The following TRMT11 variants were observed in gnomAD, a reference collection of about 807,000 sequenced individuals.
TRMT11 encodes tRNA methyltransferase 11.
Under a neutral mutation model 62.8 loss-of-function variants are expected in TRMT11, and 53 were observed. The ratio of observed to expected loss-of-function variants is 0.84; its 90% confidence interval spans 0.68 to 1.06. The LOEUF (loss-of-function observed/expected upper bound fraction) is 1.06, where lower values mean the gene tolerates loss of function less well. Ranked by LOEUF, TRMT11 falls within the 50% of genes least tolerant of loss-of-function variation. The pLI, the probability that TRMT11 is intolerant of heterozygous loss-of-function variation, is 0.00. For missense variants in TRMT11, 556 were observed against 553.4 expected, an observed-to-expected ratio of 1.00 and a Z score of -0.05; for synonymous variants, 188 against 190.3, an observed-to-expected ratio of 0.99 and a Z score of 0.10.
At chr6:126,235,213 G>A in the TRMT11 span, among the ~76,000 whole-genome samples, 8 of 152,262 alleles carry the variant, frequency 5.3e-5, no homozygotes, top group East Asian at 1.5e-3. Flanking sequence ...ACAGATGCTG[G>A]CAAGGTTATG....
At chr6:126,131,640 A>G (rs181051016) in intron 21 of TRMT11, among the ~76,000 whole-genome samples, 1 of 151,690 alleles carries the variant, frequency 6.6e-6, no homozygotes, top group African/African-American at 2.4e-5. Context: ...TGTCCCACCC[A>G]CCCCACTACC....
At chr6:126,212,834 T>G in the TRMT11 span, among the ~76,000 whole-genome samples, 1 of 152,060 alleles carries the variant, frequency 6.6e-6, no homozygotes. Flanking sequence ...TGTGGGGTAT[T>G]AAGAAATCTT....
chr6:126,215,535 TAGA>T, the TRMT11 span, among the ~76,000 whole-genome samples: 1 of 152,174 alleles, frequency 6.6e-6, no homozygotes, highest in South Asian at 2.1e-4. Flanking sequence ...TCTATTTGCA[TAGA>T]AGATCTTTTT....
At chr6:126,229,806 C>T in the TRMT11 span, among the ~76,000 whole-genome samples, 1 of 152,092 alleles carries the variant, frequency 6.6e-6, no homozygotes, top group Non-Finnish European at 1.5e-5. Context: ...AACCTTCAAT[C>T]CTTTCATGAT....
chr6:126,181,112 G>A (rs9491572), intron 1 of TRMT11, among the ~76,000 whole-genome samples: 12,857 of 152,078 alleles, frequency 0.085, 1,790 homozygotes, highest in African/African-American at 0.29. Flanking sequence ...CTAAAAACAT[G>A]AAACTCTTTT....
At chr6:126,243,840 A>G in the TRMT11 span, among the ~76,000 whole-genome samples, 1 of 152,184 alleles carries the variant, frequency 6.6e-6, no homozygotes, top group African/African-American at 2.4e-5. Flanking sequence ...GTAAATGACG[A>G]GTTCATGGGT....
chr6:126,189,683 T>G (rs1331442806), intron 1 of TRMT11, among the ~76,000 whole-genome samples: 1 of 152,094 alleles, frequency 6.6e-6, no homozygotes, highest in Admixed American at 6.6e-5. Flanking sequence ...GGGTTTTATT[T>G]TATTGTTGGT....
At chr6:126,137,444 T>C (rs143973270) in intron 21 of TRMT11, among the ~76,000 whole-genome samples, 192 of 151,690 alleles carry the variant, frequency 1.3e-3, no homozygotes, top group African/African-American at 4.4e-3. Flanking sequence ...AATCAGATAT[T>C]ATCTGATTGG....
the TRMT11 span, among the ~76,000 whole-genome samples, chr6:126,213,989 A>G: frequency 4.6e-5 from 7 of 152,012 alleles, no homozygotes; most frequent in African/African-American, 1.2e-4. Context: ...CTCAGCATCA[A>G]TTGAAATGTT....
At chr6:126,034,489 GA>G (rs1294748627) in intron 12 of TRMT11, among the ~76,000 whole-genome samples, 1 of 152,030 alleles carries the variant, frequency 6.6e-6, no homozygotes, top group Non-Finnish European at 1.5e-5. Flanking sequence ...TTTACCTACA[GA>G]AACTCTTCTG....
At chr6:126,216,854 C>G in the TRMT11 span, among the ~76,000 whole-genome samples, 1 of 152,138 alleles carries the variant, frequency 6.6e-6, no homozygotes, top group Non-Finnish European at 1.5e-5. Flanking sequence ...CTCTCTTCCC[C>G]TTTTCATAGT....
intron 17 of TRMT11, among the ~76,000 whole-genome samples, chr6:126,079,075 A>C (rs979301897): frequency 6.6e-6 from 1 of 152,110 alleles, no homozygotes; most frequent in Admixed American, 6.6e-5. Context: ...CATAAAGGTA[A>C]AATAAATCAT....
At chr6:126,115,659 G>A (rs1777578531) in intron 20 of TRMT11, among the ~76,000 whole-genome samples, 7 of 152,242 alleles carry the variant, frequency 4.6e-5, no homozygotes, top group Admixed American at 4.6e-4. Context: ...CTTATCACCT[G>A]TGTGGTTATT....
intron 1 of TRMT11, among the ~76,000 whole-genome samples, chr6:126,182,267 T>C (rs1778475479): frequency 6.6e-6 from 1 of 152,062 alleles, no homozygotes; most frequent in Non-Finnish European, 1.5e-5. Flanking sequence ...CTTTAGGAGG[T>C]ACCGATGGGG....
the TRMT11 span, among the ~76,000 whole-genome samples, chr6:126,269,690 A>G: frequency 6.6e-6 from 1 of 152,254 alleles, no homozygotes; most frequent in Admixed American, 6.5e-5. Flanking sequence ...CTTTACATAT[A>G]CACAGCAGAA....
intron 21 of TRMT11, among the ~76,000 whole-genome samples, chr6:126,154,936 G>A (rs1778100145): frequency 6.6e-6 from 1 of 152,124 alleles, no homozygotes; most frequent in African/African-American, 2.4e-5. Flanking sequence ...TAGGTTCTGA[G>A]CACCTTTGCA....
In TRMT11 at chr6:126,183,504, A is replaced by C. The variant is rs116850363; in HGVS notation, n.143+6169A>C. ...TGCAGCTATCTGAACAGTTGGAGTAAAGGATTTCAGATAGCCTCACTAATT... is the reference window on the plus strand; with the variant it reads ...TGCAGCTATCTGAACAGTTGGAGTACAGGATTTCAGATAGCCTCACTAATT... On this transcript the variant is annotated intron_variant and non_coding_transcript_variant, in intron 1 of 3. Coordinates refer to the TRMT11 transcript ENST00000444229. Among the ~76,000 whole-genome samples the C allele has an allele frequency of 5.3e-5, 8 of 152,280 alleles. No individual in the cohort carries two copies. In the East Asian group the frequency reaches 1.5e-3, roughly 29 times the overall value.
At chr6:126,008,178 G>T (rs914671620) in intron 7 of TRMT11, among the ~76,000 whole-genome samples, 1 of 151,842 alleles carries the variant, frequency 6.6e-6, no homozygotes, top group African/African-American at 2.4e-5. Context: ...ATGATGCCAG[G>T]GTATACATTA....
chr6:126,271,035 T>G, the TRMT11 span, among the ~76,000 whole-genome samples: 2 of 152,108 alleles, frequency 1.3e-5, no homozygotes, highest in Non-Finnish European at 2.9e-5. Flanking sequence ...ATCACACACA[T>G]TTTTAAAGAG....
Sources: allele counts gnomAD v4.1 joint callset (sites outside exome capture counted in the v4.1 genomes callset), GRCh38; gene constraint gnomAD v4.1.1; transcripts MANE v1.5; gene names NCBI Gene and HGNC (gene_info 2026-07-23, HGNC 2026-07-21).